INTS9: variants seen among roughly 807,000 people sequenced by gnomAD.
INTS9 encodes protein related to CPSF subunits of 74 kDa.
A neutral mutation model predicts 79.7 loss-of-function variants in INTS9; 55 were observed. The observed-to-expected ratio is 0.69, with a 90% CI of 0.56 to 0.86. The LOEUF is 0.86. INTS9 is among the 40% of genes least tolerant of loss of function. INTS9 has a pLI of 0.00. For missense variants in INTS9, 721 were observed against 831.5 expected (o/e 0.87, Z 1.64); for synonymous variants, 319 against 325.2 (o/e 0.98, Z 0.20).
chr8:28,850,335 T>C (rs1807761798), intron 2 of INTS9, 62 bp from the exon 3 acceptor site: 3 of 1,344,302 alleles, frequency 2.2e-6, no homozygotes, highest in African/African-American at 1.4e-5. Context: ...AATGACTTCA[T>C]GGTAACTTAC....
chr8:28,821,259 A>G (rs933376961), intron 6 of INTS9, among the ~76,000 whole-genome samples: 1 of 152,230 alleles, frequency 6.6e-6, no homozygotes, highest in Non-Finnish European at 1.5e-5. Context: ...ACAGTTCCAC[A>G]TGGCTGGGGA....
At position 28,768,626 on chromosome 8, in the gene INTS9, G is replaced by A. The variant is rs145433405; in HGVS notation, c.1801-304C>T. Among the ~76,000 whole-genome samples the A allele has an allele frequency of 9.1e-4, 139 of 152,314 alleles. No individual in the cohort carries two copies. In the South Asian group the frequency reaches 0.012, roughly 14 times the overall value. ...GACGCTCAGCTGCTTGCACCATGCC[G>A]TTCCCTGGTGACAGCTCCCTCCTAA... On this transcript the variant is annotated intron_variant, in intron 16 of 16. Transcript: ENST00000521022.
At chr8:28,827,630 C>G (rs1806228237) in intron 6 of INTS9, among the ~76,000 whole-genome samples, 1 of 151,994 alleles carries the variant, frequency 6.6e-6, no homozygotes, top group East Asian at 1.9e-4. Context: ...TCTGGAGCCT[C>G]AAAATGAAGT....
chr8:28,768,306 A>C lies in INTS9; in HGVS notation c.1817T>G (p.Ile606Ser). The C allele has an allele frequency of 6.2e-7, 1 of 1,613,630 alleles. No individual in the cohort carries two copies. Among genetic ancestry groups the C allele is most frequent in the Middle Eastern group, 1.7e-4 (1 of 6,060 alleles). The change falls in exon 17 of 17, where the codon ATT becomes AGT. Residue 606 changes from isoleucine to serine, a missense_variant. Physicochemically the swap from Ile to Ser is moderately radical, Grantham distance 142. Coordinates refer to ENST00000521022, the MANE Select transcript of INTS9 (RefSeq NM_018250.4). ...QTLEKHGFSD[I>S]KVEDTAKGHI... ...GCCCTTGGCTGTGTCCTCCACCTTA[A>C]TATCACTGAAGCCATGCTGCTCCAG... is the stretch of plus-strand genomic sequence containing the variant.
At chr8:28,805,422 T>G (rs768285893) in intron 8 of INTS9, among the ~76,000 whole-genome samples, 56 of 152,208 alleles carry the variant, frequency 3.7e-4, no homozygotes, top group Admixed American at 5.9e-4. Flanking sequence ...CCCTCTAGAT[T>G]CCCATTCCTC....
At chr8:28,781,585 G>A (rs1284853883) in intron 11 of INTS9, among the ~76,000 whole-genome samples, 1 of 152,184 alleles carries the variant, frequency 6.6e-6, no homozygotes, top group African/African-American at 2.4e-5. Context: ...GATGCATCCA[G>A]ACAATGGAAT....
At chr8:28,779,899 C>T (rs1361670525) in intron 12 of INTS9, among the ~76,000 whole-genome samples, 5 of 152,062 alleles carry the variant, frequency 3.3e-5, no homozygotes, top group African/African-American at 1.2e-4. Context: ...GGTGACAGTG[C>T]TTTCCCAACA....
chr8:28,885,285 T>C (rs1234643914), intron 1 of INTS9, among the ~76,000 whole-genome samples: 2 of 152,246 alleles, frequency 1.3e-5, no homozygotes, highest in Admixed American at 1.3e-4. Context: ...TTAATAAGTA[T>C]AGTATAACAA....
intron 1 of INTS9, among the ~76,000 whole-genome samples, chr8:28,875,197 T>A (rs1419077809): frequency 2.0e-5 from 3 of 152,106 alleles, no homozygotes; most frequent in Non-Finnish European, 2.9e-5. Context: ...TCCAACCATA[T>A]CAGTAGTTGA....
intron 8 of INTS9, among the ~76,000 whole-genome samples, chr8:28,804,034 C>T (rs1485117782): frequency 6.6e-6 from 1 of 152,138 alleles, no homozygotes; most frequent in Non-Finnish European, 1.5e-5. Context: ...AGCGATCCTC[C>T]CACCTCAGCA....
chr8:28,876,599 GA>G (rs1160803564), intron 1 of INTS9, among the ~76,000 whole-genome samples: 1 of 152,014 alleles, frequency 6.6e-6, no homozygotes, highest in African/African-American at 2.4e-5. Flanking sequence ...ACTCTAATCA[GA>G]AATAGAGACG....
At chr8:28,810,277 G>T in intron 8 of INTS9, 1 of 158,442 alleles carries the variant, frequency 6.3e-6, no homozygotes, top group African/African-American at 2.4e-5. Context: ...CTGGAAAAAG[G>T]CTAAAACTAC....
intron 1 of INTS9, among the ~76,000 whole-genome samples, chr8:28,881,831 G>A (rs1317285896): frequency 1.0e-5 from 1 of 98,400 alleles, no homozygotes; most frequent in Non-Finnish European, 2.2e-5. Context: ...GGAGGGTGGT[G>A]GGGGGGTCAG....
intron 6 of INTS9, among the ~76,000 whole-genome samples, chr8:28,814,284 T>TCTCA (rs1172397460): frequency 1.5e-4 from 20 of 134,228 alleles, no homozygotes; most frequent in Admixed American, 3.8e-4. Context: ...ACAGGGCTTC[T>TCTCA]CACACACACA....
chr8:28,850,489 T>C (rs890880007), intron 2 of INTS9, among the ~76,000 whole-genome samples: 14 of 151,870 alleles, frequency 9.2e-5, no homozygotes, highest in Non-Finnish European at 1.8e-4. Flanking sequence ...AATAGTTTAG[T>C]GGAAAATTGG....
chr8:28,855,786 A>G (rs1024058679), intron 2 of INTS9, among the ~76,000 whole-genome samples: 5 of 152,332 alleles, frequency 3.3e-5, no homozygotes, highest in East Asian at 1.9e-4. Flanking sequence ...TATACTATCA[A>G]TGTAAATTCT....
intron 9 of INTS9, 61 bp downstream of exon 9, chr8:28,796,461 CATTATTGTAAAATATTATATTT>C (rs1194150483): frequency 1.2e-5 from 9 of 775,858 alleles, no homozygotes; most frequent in Non-Finnish European, 1.7e-5. Context: ...CTCCTTCCCC[CATTATTGTAAAATATTATATTT>C]ATTATTGTAA....
intron 1 of INTS9, among the ~76,000 whole-genome samples, chr8:28,872,879 G>A (rs1399124423): frequency 6.6e-6 from 1 of 152,122 alleles, no homozygotes; most frequent in Non-Finnish European, 1.5e-5. Flanking sequence ...CTGGTGTACA[G>A]TTTTAGGGTG....
At chr8:28,841,005 G>C (rs1289386692) in intron 4 of INTS9, among the ~76,000 whole-genome samples, 1 of 151,090 alleles carries the variant, frequency 6.6e-6, no homozygotes, top group African/African-American at 2.4e-5. Context: ...CAGATGAAGA[G>C]AGGGAGGGTG....
Sources: gnomAD v4.1 joint callset for allele counts (sites outside exome capture counted in the v4.1 genomes callset) on GRCh38, gnomAD v4.1.1 for gene constraint, MANE v1.5 for transcripts, NCBI Gene and HGNC (gene_info 2026-07-23, HGNC 2026-07-21) for gene names.